Variants in CACNA1C observed in about 807,000 individuals in gnomAD.
The protein encoded by CACNA1C is voltage-dependent L-type calcium channel subunit alpha-1C.
In CACNA1C, 30 loss-of-function variants were observed where a neutral mutation model predicts 229.0. The observed-to-expected ratio is 0.13, with a 90% CI of 0.10 to 0.18. The LOEUF (loss-of-function observed/expected upper bound fraction) is 0.18. Ranked by LOEUF, CACNA1C falls within the 10% of genes least tolerant of loss-of-function variation. CACNA1C has a pLI of 1.00. For synonymous variants in CACNA1C, 1,114 were observed against 1,132.5 expected (o/e 0.98, Z 0.33); for missense variants, 1,658 against 2,845.0 (o/e 0.58, Z 9.49).
At chr12:2,321,731 C>T (rs2096008887) in intron 3 of CACNA1C, among the ~76,000 whole-genome samples, 1 of 152,132 alleles carries the variant, frequency 6.6e-6, no homozygotes, top group African/African-American at 2.4e-5. Flanking sequence ...TGAGCCGAGA[C>T]TTGAATGAGG....
intron 7 of CACNA1C, among the ~76,000 whole-genome samples, chr12:2,500,981 C>T (rs1162203904): frequency 1.3e-5 from 2 of 150,956 alleles, no homozygotes; most frequent in African/African-American, 4.9e-5. Context: ...CCGAGGTGGG[C>T]GGATCACGAG....
Position 2,177,634 on chromosome 12 carries a change from CTCTT to C in CACNA1C, c.477+57222_477+57225del, listed in dbSNP as rs755417751. 4.1e-3 allele frequency among the ~76,000 whole-genome samples: 463 copies of C among 112,932 alleles called. 2 individuals are homozygous for C. The highest frequency in any genetic ancestry group is 9.0e-3 in the Admixed American group (86 of 9,608). 74.1% of individuals were successfully genotyped at this position (112,932 alleles called of 152,430 possible). A position where few individuals can be genotyped will look rare whatever the true frequency, so the allele number is the denominator to read the frequency against. The stretch of plus-strand genomic sequence containing the variant: ...CTTCCTTCCTTCCTTCCTTCTCTCT[CTCTT>C]TCTTTCTTTCTTTCTTTTTCTTTCT... On this transcript the variant is annotated intron_variant, in intron 3 of 46. Coordinates refer to ENST00000399655, the MANE Select transcript of CACNA1C (RefSeq NM_000719.7).
At chr12:2,394,522 C>G (rs915093419) in intron 3 of CACNA1C, among the ~76,000 whole-genome samples, 6 of 152,140 alleles carry the variant, frequency 3.9e-5, no homozygotes, top group African/African-American at 1.4e-4. Flanking sequence ...ACCTTCTCTC[C>G]TTAGTGGAAA....
At chr12:2,652,251 G>A (rs1292573663) in intron 32 of CACNA1C, among the ~76,000 whole-genome samples, 1 of 152,188 alleles carries the variant, frequency 6.6e-6, no homozygotes, top group African/African-American at 2.4e-5. Context: ...CAGAGTCGCA[G>A]GACCCTGGTG....
chr12:2,451,670 T>A (rs900343311), intron 4 of CACNA1C, among the ~76,000 whole-genome samples: 2 of 152,198 alleles, frequency 1.3e-5, no homozygotes, highest in Non-Finnish European at 2.9e-5. Context: ...GCGGTCTGTC[T>A]GGACCCGCTT....
At chr12:2,682,463 T>G in intron 42 of CACNA1C, 87 bp from the exon 43 acceptor site, 1 of 1,474,388 alleles carries the variant, frequency 6.8e-7, no homozygotes, top group South Asian at 1.2e-5. Flanking sequence ...CACCTGCATG[T>G]GTGTGCGTGT....
At position 2,679,307 on chromosome 12, in the gene CACNA1C, G is replaced by A. The variant is rs2096998136; in HGVS notation, c.5092-137G>A. ...GGTCCTCAGGTGCTCCTGGCTCCCA[G>A]CAGGGCTGTGCCTACCCGAAAGAAG... On this transcript the variant is annotated intron_variant, in intron 41 of 46. Coordinates refer to ENST00000399655, the MANE Select transcript of CACNA1C (RefSeq NM_000719.7). This position sits in a 1 kb window ranked among gnomAD's most constrained non-coding sequence, Gnocchi z 5.5. The A allele has an allele frequency of 3.2e-6, 2 of 633,356 alleles. No homozygotes were observed. The highest frequency in any genetic ancestry group is 5.4e-6 in the Non-Finnish European group (2 of 372,470). The allele number at this position is 633,356 out of a possible 1,614,324, so 39.2% of individuals were successfully genotyped here.
Position 2,504,478 on chromosome 12 carries a change from G to A in CACNA1C, c.1114-364G>A. 6.2e-7 allele frequency: 1 copy of A among 1,612,178 alleles called. No homozygotes were observed. The highest frequency in any genetic ancestry group is 8.5e-7 in the Non-Finnish European group (1 of 1,178,378). Reference sequence around the variant, plus strand: ...CTATGAGTTACCCTGGGTGTATTTTGTCAGTCTGGTCATCTTTGGATCCTT... The same window carrying A: ...CTATGAGTTACCCTGGGTGTATTTTATCAGTCTGGTCATCTTTGGATCCTT... On this transcript the variant is annotated intron_variant, in intron 7 of 46. Coordinates refer to ENST00000399655, the MANE Select transcript of CACNA1C (RefSeq NM_000719.7). The surrounding 1 kb of genome is among the most constrained non-coding windows in gnomAD (Gnocchi z 6.8).
At chr12:2,535,687 C>CAGAGCA (rs1451409573) in intron 9 of CACNA1C, among the ~76,000 whole-genome samples, 2 of 99,968 alleles carry the variant, frequency 2.0e-5, no homozygotes, top group African/African-American at 7.4e-5. Flanking sequence ...GCCTGGGTGA[C>CAGAGCA]AGAGCAAGAC....
At chr12:2,521,324 G>C (rs1236729287) in intron 9 of CACNA1C, among the ~76,000 whole-genome samples, 3 of 152,160 alleles carry the variant, frequency 2.0e-5, no homozygotes, top group Admixed American at 6.5e-5. Flanking sequence ...TTACCAGGGA[G>C]CCACCGGGAC....
chr12:2,213,849 C>A (rs2059307477), intron 3 of CACNA1C, among the ~76,000 whole-genome samples: 1 of 152,250 alleles, frequency 6.6e-6, no homozygotes. Flanking sequence ...CCTCCTCCCG[C>A]AGTCCATCCG....
intron 3 of CACNA1C, among the ~76,000 whole-genome samples, chr12:2,388,619 T>C (rs75790578): frequency 6.6e-6 from 1 of 151,794 alleles, no homozygotes; most frequent in Non-Finnish European, 1.5e-5. Context: ...TATCCAAGTG[T>C]AGTTGATCAG....
chr12:2,156,617 T>G (rs554145611), intron 3 of CACNA1C, among the ~76,000 whole-genome samples: 1 of 152,364 alleles, frequency 6.6e-6, no homozygotes, highest in African/African-American at 2.4e-5. Context: ...TGCAGAGGCC[T>G]TCTCCATTCC....
At chr12:2,154,994 C>T (rs1266958863) in intron 3 of CACNA1C, among the ~76,000 whole-genome samples, 1 of 152,132 alleles carries the variant, frequency 6.6e-6, no homozygotes, top group Admixed American at 6.5e-5. Flanking sequence ...GTATAGGTGC[C>T]GTCTATCTCT....
chr12:2,362,049 G>C (rs932778692), intron 3 of CACNA1C, among the ~76,000 whole-genome samples: 1 of 152,182 alleles, frequency 6.6e-6, no homozygotes, highest in Non-Finnish European at 1.5e-5. Context: ...ATTAGACATC[G>C]TATGTATTAG....
chr12:2,385,317 T>C (rs760762352), intron 3 of CACNA1C, among the ~76,000 whole-genome samples: 4 of 152,132 alleles, frequency 2.6e-5, no homozygotes, highest in Non-Finnish European at 5.9e-5. Context: ...CCAGAGGCTT[T>C]TCTGATGCCT....
At chr12:2,097,238 C>G (rs534267022) in intron 1 of CACNA1C, among the ~76,000 whole-genome samples, 6 of 152,120 alleles carry the variant, frequency 3.9e-5, no homozygotes, top group Non-Finnish European at 7.4e-5. Context: ...CTCCGCCTCC[C>G]AGGTTCACAC....
At chr12:2,182,905 T>C (rs1014906569) in intron 3 of CACNA1C, among the ~76,000 whole-genome samples, 1 of 152,110 alleles carries the variant, frequency 6.6e-6, no homozygotes, top group Non-Finnish European at 1.5e-5. Context: ...TGGAAGAAGG[T>C]GGTCTTGGTT....
intron 3 of CACNA1C, among the ~76,000 whole-genome samples, chr12:2,234,921 A>T: frequency 6.6e-6 from 1 of 152,148 alleles, no homozygotes. Flanking sequence ...CATGACTGAT[A>T]GTTGTCATGG....
Sources: allele counts gnomAD v4.1 joint callset (sites outside exome capture counted in the v4.1 genomes callset), GRCh38; gene constraint gnomAD v4.1.1; non-coding constraint Gnocchi (gnomAD v3.1); transcripts MANE v1.5; gene names NCBI Gene and HGNC (gene_info 2026-07-23, HGNC 2026-07-21).